The following UBAP2L variants were observed in gnomAD, a reference collection of about 807,000 sequenced individuals.
UBAP2L encodes ubiquitin associated protein 2 like, also known as ubiquitin-associated protein 2-like.
Under a neutral mutation model 130.6 loss-of-function variants are expected in UBAP2L, and 12 were observed. That is an observed-to-expected ratio of 0.09 (90% CI 0.06 to 0.15). UBAP2L has a LOEUF of 0.15. Ranked by LOEUF, UBAP2L falls within the 10% of genes least tolerant of loss-of-function variation. The probability of loss-of-function intolerance (pLI) is 1.00; values close to 1 mark genes in which losing one functional copy is unlikely to be tolerated. For synonymous variants in UBAP2L, 503 were observed against 524.7 expected, an observed-to-expected ratio of 0.96 and a Z score of 0.57; for missense variants, 965 against 1,332.5, an observed-to-expected ratio of 0.72 and a Z score of 4.29.
In UBAP2L at chr1:154,270,770, G is replaced by GTT. The variant is rs370017648; in HGVS notation, c.*490_*491dup. 161,076 of 873,824 alleles carry GTT rather than the reference G, an allele frequency of 0.18. 3,783 individuals are homozygous for GTT. The highest frequency in any genetic ancestry group is 0.24 in the East Asian group (2,674 of 10,930). 54.1% of individuals were successfully genotyped at this position (873,824 alleles called of 1,614,324 possible). ...AATTAGTTGAAGTGGTTTTTTTTTT[G>GTT]TTTTTTTTTTTTTTTTGTACTGTGT... On this transcript the variant is annotated 3_prime_UTR_variant, in exon 27 of 27. Coordinates refer to ENST00000428931, the MANE Select transcript of UBAP2L (RefSeq NM_014847.4).
upstream of UBAP2L, chr1:154,220,454 T>C (rs771700046): frequency 1.9e-6 from 3 of 1,608,598 alleles, no homozygotes. Flanking sequence ...CCCGCTGTCC[T>C]GGCTGGTCAG....
In UBAP2L at chr1:154,258,959, T is replaced by C. The variant is rs752804157; in HGVS notation, c.2443-18T>C. On this transcript the variant is annotated intron_variant, in intron 20 of 26. Transcript: ENST00000428931. ...TCATGACCAGTTCCTGTTATTGCTA[T>C]ATGTCTGTATCTTTCAGCCACAAGT... is the stretch of plus-strand genomic sequence containing the variant. The C allele has an allele frequency of 5.0e-6, 8 of 1,612,032 alleles. No homozygotes were observed. The African/African-American group carries it at 8.0e-5, about 16-fold the overall frequency.
intron 1 of UBAP2L, chr1:154,221,472 C>T (rs528458231): frequency 6.5e-6 from 1 of 153,072 alleles, no homozygotes; most frequent in Admixed American, 6.5e-5. Flanking sequence ...TGCGGGCCTC[C>T]TCTGATCCGG....
At position 154,249,239 on chromosome 1, in the gene UBAP2L, G is replaced by C; in HGVS notation, c.1015G>C (p.Val339Leu). 2 of 1,614,122 alleles carry C rather than the reference G, an allele frequency of 1.2e-6. No individual in the cohort carries two copies. Among genetic ancestry groups the C allele is most frequent in the Non-Finnish European group, 1.7e-6 (2 of 1,180,024 alleles). ...SGNTFSHHSM[V>L]SMLGKGFGDV... The stretch of plus-strand genomic sequence containing the variant: ...CTCTCATCTCTTTGTTGATCTACAG[G>C]TGAGCATGTTAGGGAAAGGATTTGG... The change falls in exon 12 of 27, where the codon GTG (valine) becomes CTG (leucine). Residue 339 changes from valine (V) to leucine (L), a missense_variant and splice_region_variant. Physicochemically the swap from Val to Leu is conservative, Grantham distance 32. This residue lies in a region of UBAP2L where 99 missense variants were observed against 106.4 expected (regional missense o/e 0.93). Coordinates refer to ENST00000428931, the MANE Select transcript of UBAP2L (RefSeq NM_014847.4).
chr1:154,255,057 C>T (rs569178618), intron 16 of UBAP2L, 95 bp from the exon 17 acceptor site: 2 of 1,460,026 alleles, frequency 1.4e-6, no homozygotes, highest in Admixed American at 2.1e-5. Flanking sequence ...AATAACTCAT[C>T]CTTTTGTCTT....
At chr1:154,253,383 AT>A (rs1173992099) in intron 14 of UBAP2L, among the ~76,000 whole-genome samples, 558 of 123,728 alleles carry the variant, frequency 4.5e-3, no homozygotes, top group Middle Eastern at 0.025. Flanking sequence ...TGTTTTTAAG[AT>A]TTTTTTTTTT....
chr1:154,251,256 A>G lies in UBAP2L; in HGVS notation c.1429A>G (p.Ser477Gly), dbSNP rs1677504415. The G allele has an allele frequency of 6.2e-7, 1 of 1,614,202 alleles. No individual in the cohort carries two copies. Among genetic ancestry groups the G allele is most frequent in the Non-Finnish European group, 8.5e-7 (1 of 1,180,044 alleles). ...TGGATCTTCAGACAACCAGTCCTCTAGCCCTCAGCCGGCTCAGCAGAAACT... is the reference window on the plus strand; with the variant it reads ...TGGATCTTCAGACAACCAGTCCTCTGGCCCTCAGCCGGCTCAGCAGAAACT... ...SPGSSDNQSS[S>G]PQPAQQKLKQ... The change falls in exon 13 of 27, where the codon AGC (serine) becomes GGC (glycine). Residue 477 changes from serine to glycine, a missense_variant. Ser to Gly is a moderately conservative substitution (Grantham distance 56, BLOSUM62 0). Around this residue, in one of 9 missense-constraint regions of UBAP2L, gnomAD observed 74 missense variants for 97.1 expected, o/e 0.76. Transcript: ENST00000428931.
At position 154,255,207 on chromosome 1, in the gene UBAP2L, T is replaced by C. The variant is rs777743146; in HGVS notation, c.1965T>C (p.Pro655=). 5 of 1,614,160 alleles carry C rather than the reference T, an allele frequency of 3.1e-6. No homozygotes were observed. The Admixed American group carries it at 6.7e-5, about 22-fold the overall frequency. Residue 655 remains proline (P), a synonymous_variant, in exon 17 of 27, where the codon CCT becomes CCC. Coordinates refer to ENST00000428931, the MANE Select transcript of UBAP2L (RefSeq NM_014847.4). ...SDSPSTSSIP[P]LNETVSAASL... The stretch of plus-strand genomic sequence containing the variant: ...CACCTTCCACTTCTAGCATCCCCCC[T>C]CTCAATGAAACGGTATCTGCAGCTT...
At chr1:154,234,475 T>G in intron 4 of UBAP2L, 116 bp from the exon 5 acceptor site, 1 of 1,090,356 alleles carries the variant, frequency 9.2e-7, no homozygotes. Context: ...TGGAAGTGTT[T>G]TAGACATGGA....
chr1:154,269,423 T>G (rs1684236398), intron 26 of UBAP2L: 1 of 1,307,858 alleles, frequency 7.6e-7, no homozygotes, highest in Admixed American at 2.3e-5. Flanking sequence ...GTAATGAAAT[T>G]GAATGATCAT....
chr1:154,220,427 G>T (rs755982410), upstream of UBAP2L: 5 of 1,614,178 alleles, frequency 3.1e-6, no homozygotes, highest in East Asian at 1.1e-4. Context: ...ACCTCGCGCA[G>T]AATTGTTCGG....
chr1:154,225,250 T>C, intron 2 of UBAP2L, 37 bp downstream of exon 2: 1 of 1,602,590 alleles, frequency 6.2e-7, no homozygotes, highest in Non-Finnish European at 8.5e-7. Context: ...ATGGATAGCG[T>C]TGCCTGCTGA....
chr1:154,225,751 C>T (rs1001352903), intron 2 of UBAP2L, among the ~76,000 whole-genome samples: 1 of 152,140 alleles, frequency 6.6e-6, no homozygotes, highest in African/African-American at 2.4e-5. Flanking sequence ...GATAGCATTT[C>T]CCTTCTCTTA....
At chr1:154,236,489 T>TTG in intron 6 of UBAP2L, 77 bp from the exon 7 acceptor site, 1 of 1,529,186 alleles carries the variant, frequency 6.5e-7, no homozygotes, top group Non-Finnish European at 9.1e-7. Flanking sequence ...CGGGAGCCAC[T>TTG]GTGCCTGCCT....
At chr1:154,269,527 C>A in intron 26 of UBAP2L, 1 of 806,752 alleles carries the variant, frequency 1.2e-6, no homozygotes, top group Non-Finnish European at 1.8e-6. Context: ...GATACACAAA[C>A]ACAAACACCT....
At chr1:154,247,738 A>AT (rs146463282) in intron 11 of UBAP2L, among the ~76,000 whole-genome samples, 9,764 of 151,854 alleles carry the variant, frequency 0.064, 1,066 homozygotes, top group African/African-American at 0.22. Context: ...CTAAAAAAAA[A>AT]TTTTTTTTAA....
rs1190263194 is a variant in UBAP2L, at chr1:154,225,173, C to A, written c.50C>A (p.Pro17His). The change falls in exon 2 of 27, where the codon CCT becomes CAT. Residue 17 changes from proline (P) to histidine (H), a missense_variant. By Grantham distance (77) the Pro-to-His change is moderately conservative. Transcript: ENST00000428931. The part of the protein sequence containing the change: ...TNRARGNWEQ[P>H]QNQNQTQHKQ... ...CGAGCCCGGGGAAACTGGGAACAACCTCAAAACCAAAACCAGACACAGCAC... is the reference window on the plus strand; with the variant it reads ...CGAGCCCGGGGAAACTGGGAACAACATCAAAACCAAAACCAGACACAGCAC... The A allele has an allele frequency of 1.9e-6, 3 of 1,614,100 alleles. No homozygotes were observed. The South Asian group carries it at 3.3e-5, about 18-fold the overall frequency.
chr1:154,240,502 A>G (rs946904634), intron 8 of UBAP2L, among the ~76,000 whole-genome samples: 1 of 152,144 alleles, frequency 6.6e-6, no homozygotes, highest in African/African-American at 2.4e-5. Context: ...CTATATGAGT[A>G]AGGTTAGGAC....
At position 154,251,095 on chromosome 1, in the gene UBAP2L, C is replaced by A. The variant is rs1677467716; in HGVS notation, c.1268C>A (p.Ala423Asp). The A allele has an allele frequency of 6.2e-7, 1 of 1,614,118 alleles. No individual in the cohort carries two copies. Reference protein sequence around the residue: ...AVHSPFTKRQAFTPSSTMMEV... With the variant: ...AVHSPFTKRQDFTPSSTMMEV... Reference sequence around the variant, plus strand: ...CACAGCCCCTTTACAAAGCGCCAGGCTTTTACCCCATCTTCAACCATGATG... The same window carrying A: ...CACAGCCCCTTTACAAAGCGCCAGGATTTTACCCCATCTTCAACCATGATG... Residue 423 changes from alanine to aspartate, a missense_variant, in exon 13 of 27, where the codon GCT (alanine) becomes GAT (aspartate). This residue lies in a region of UBAP2L where 74 missense variants were observed against 97.1 expected (regional missense o/e 0.76). Coordinates refer to ENST00000428931, the MANE Select transcript of UBAP2L (RefSeq NM_014847.4).
Sources: gnomAD v4.1 joint callset for allele counts (sites outside exome capture counted in the v4.1 genomes callset) on GRCh38, gnomAD v4.1.1 for gene constraint, gnomAD v4.1.1 regional missense constraint, MANE v1.5 for transcripts, NCBI Gene and HGNC (gene_info 2026-07-23, HGNC 2026-07-21) for gene names.